Variants in PHF24 observed in about 807,000 individuals in gnomAD.
PHF24 encodes the protein Galpha inhibitory interacting protein.
PHF24 carries 25 observed loss-of-function variants against 42.6 expected under a neutral mutation model. The observed-to-expected ratio is 0.59, with a 90% confidence interval of 0.43 to 0.82. PHF24 has a LOEUF of 0.82. Among genes scored for constraint, PHF24 ranks in the 40% least tolerant of loss-of-function variants. The pLI is 0.00. For synonymous variants in PHF24, 185 were observed against 204.8 expected, an observed-to-expected ratio of 0.90 and a Z score of 0.83; for missense variants, 470 against 538.1, an observed-to-expected ratio of 0.87 and a Z score of 1.25.
the PHF24 span, among the ~76,000 whole-genome samples, chr9:34,800,538 G>C: frequency 2.0e-5 from 3 of 152,048 alleles, no homozygotes; most frequent in Non-Finnish European, 2.9e-5. Context: ...TCTGATCTTC[G>C]ACAAACTTGA....
the PHF24 span, among the ~76,000 whole-genome samples, chr9:34,946,623 T>C: frequency 6.6e-6 from 1 of 152,180 alleles, no homozygotes; most frequent in African/African-American, 2.4e-5. Flanking sequence ...TATACAAAAA[T>C]TAGATAAATG....
the PHF24 span, among the ~76,000 whole-genome samples, chr9:34,943,156 T>C: frequency 2.0e-5 from 3 of 152,198 alleles, no homozygotes; most frequent in Admixed American, 6.5e-5. Context: ...CCTTCAGTCA[T>C]TCCCCAGGAC....
the PHF24 span, among the ~76,000 whole-genome samples, chr9:34,758,115 A>G: frequency 6.6e-6 from 1 of 152,096 alleles, no homozygotes; most frequent in Non-Finnish European, 1.5e-5. This position sits in a 1 kb window ranked among gnomAD's most constrained non-coding sequence, Gnocchi z 4.4. Context: ...TGAGTCTCCC[A>G]TGGGGCTATT....
chr9:34,807,299 T>C, the PHF24 span, among the ~76,000 whole-genome samples: 2 of 152,230 alleles, frequency 1.3e-5, no homozygotes, highest in Admixed American at 6.5e-5. Flanking sequence ...GAGTATCAGA[T>C]AGCCTCTGCC....
the PHF24 span, chr9:34,922,548 T>G: frequency 1.0e-6 from 1 of 969,740 alleles, no homozygotes; most frequent in South Asian, 1.3e-5. Context: ...GTAATGGTAG[T>G]GATCTCCTTT....
the PHF24 span, among the ~76,000 whole-genome samples, chr9:34,731,566 C>T: frequency 6.6e-6 from 1 of 152,102 alleles, no homozygotes; most frequent in African/African-American, 2.4e-5. Context: ...TTTGCCATGC[C>T]TGGCTTATTT....
chr9:34,790,828 A>G, the PHF24 span, among the ~76,000 whole-genome samples: 1 of 152,308 alleles, frequency 6.6e-6, no homozygotes, highest in African/African-American at 2.4e-5. Context: ...GGAGAGAGCA[A>G]TGCCAGTACC....
At chr9:34,812,233 C>T in the PHF24 span, among the ~76,000 whole-genome samples, 2 of 151,840 alleles carry the variant, frequency 1.3e-5, no homozygotes, top group Admixed American at 6.6e-5. Flanking sequence ...CAAACACATA[C>T]GTACACAATG....
At chr9:34,874,631 T>C in the PHF24 span, among the ~76,000 whole-genome samples, 7 of 152,178 alleles carry the variant, frequency 4.6e-5, no homozygotes, top group African/African-American at 1.7e-4. Flanking sequence ...ATAAGTTGTT[T>C]CTGCCTCTTA....
the PHF24 span, chr9:34,832,933 C>T: frequency 2.9e-5 from 45 of 1,551,574 alleles, no homozygotes; most frequent in Admixed American, 7.8e-5. Context: ...GTGGAGGTAG[C>T]TGTGGGAGCT....
the PHF24 span, among the ~76,000 whole-genome samples, chr9:34,939,363 C>T: frequency 2.0e-4 from 30 of 152,144 alleles, no homozygotes; most frequent in African/African-American, 7.2e-4. Flanking sequence ...TGCCAAGAAT[C>T]GGTGTAGACT....
the PHF24 span, chr9:34,832,974 G>A: frequency 3.2e-6 from 5 of 1,551,606 alleles, no homozygotes; most frequent in Non-Finnish European, 3.5e-6. Context: ...GGGCTGTGTT[G>A]ACAGGGATCA....
the PHF24 span, among the ~76,000 whole-genome samples, chr9:34,810,030 C>T: frequency 6.6e-6 from 1 of 151,388 alleles, no homozygotes; most frequent in East Asian, 1.9e-4. Context: ...GCCGCCGCCG[C>T]CCACGCCTCA....
chr9:34,701,867 G>C, the PHF24 span, among the ~76,000 whole-genome samples: 1 of 152,098 alleles, frequency 6.6e-6, no homozygotes, highest in African/African-American at 2.4e-5. The surrounding 1 kb of genome is among the most constrained non-coding windows in gnomAD (Gnocchi z 5.8). Flanking sequence ...TCCCTCCCAC[G>C]CCCCAAATAG....
chr9:34,691,314 T>C, the PHF24 span: 1 of 520,570 alleles, frequency 1.9e-6, no homozygotes, highest in Non-Finnish European at 3.5e-6. Context: ...TGGCCAGAGC[T>C]TCACTTTCTC....
chr9:34,835,267 A>G, the PHF24 span: 17,019 of 1,538,562 alleles, frequency 0.011, no homozygotes, highest in East Asian at 0.22. Flanking sequence ...GAGAGACCTG[A>G]GAAGTATTAT....
the PHF24 span, among the ~76,000 whole-genome samples, chr9:34,938,934 C>CAA: frequency 5.5e-3 from 348 of 63,394 alleles, 8 homozygotes; most frequent in East Asian, 0.021. Flanking sequence ...GAGACTCCAT[C>CAA]AAAAAAAAAA....
the PHF24 span, among the ~76,000 whole-genome samples, chr9:34,899,318 A>G: frequency 6.6e-6 from 1 of 152,184 alleles, no homozygotes; most frequent in Non-Finnish European, 1.5e-5. Flanking sequence ...TTTCATTATA[A>G]TGCTGCAGAG....
At chr9:34,976,484 C>T in intron 4 of PHF24, 51 bp from the exon 5 acceptor site, 1 of 1,570,394 alleles carries the variant, frequency 6.4e-7, no homozygotes. Flanking sequence ...GATGGAGGTG[C>T]CCTGAGGCTG....
Sources: gnomAD v4.1 joint callset for allele counts (sites outside exome capture counted in the v4.1 genomes callset) on GRCh38, gnomAD v4.1.1 for gene constraint, Gnocchi (gnomAD v3.1) non-coding constraint, MANE v1.5 for transcripts, NCBI Gene and HGNC (gene_info 2026-07-23, HGNC 2026-07-21) for gene names.